The following TBXAS1 variants were observed in gnomAD, a reference collection of about 807,000 sequenced individuals.
TBXAS1 encodes thromboxane A synthase 1, also known as thromboxane-A synthase.
In TBXAS1, 48 loss-of-function variants were observed where a neutral mutation model predicts 60.7. The ratio of observed to expected loss-of-function variants is 0.79; its 90% CI spans 0.63 to 1.01. The LOEUF is 1.01. Ranked by LOEUF, TBXAS1 falls within the 50% of genes least tolerant of loss-of-function variation. The pLI, the probability that TBXAS1 is intolerant of heterozygous loss-of-function variation, is 0.00. For synonymous variants in TBXAS1, 287 were observed against 269.7 expected (o/e 1.06, Z -0.63); for missense variants, 685 against 686.3 (o/e 1.00, Z 0.02).
At chr7:139,782,203 A>C (rs1204230222) in intron 2 of TBXAS1, among the ~76,000 whole-genome samples, 3 of 135,840 alleles carry the variant, frequency 2.2e-5, no homozygotes, top group Non-Finnish European at 3.1e-5. Flanking sequence ...TAAAAAAATC[A>C]CTTTTTTTTT....
intron 3 of TBXAS1, among the ~76,000 whole-genome samples, chr7:139,906,669 A>G (rs931358067): frequency 6.6e-6 from 1 of 152,142 alleles, no homozygotes; most frequent in Non-Finnish European, 1.5e-5. Context: ...TCTTGCTGAG[A>G]CTTTGATTGG....
intron 5 of TBXAS1, among the ~76,000 whole-genome samples, chr7:139,938,165 CAT>C (rs756034626): frequency 6.6e-6 from 1 of 152,122 alleles, no homozygotes; most frequent in Admixed American, 6.5e-5. Context: ...CCGCGGCCCA[CAT>C]GTGCTCAATT....
At chr7:139,913,127 G>C (rs1440105890) in intron 4 of TBXAS1, 5 of 702,752 alleles carry the variant, frequency 7.1e-6, no homozygotes, top group African/African-American at 5.2e-5. Context: ...GGCCTGGAGG[G>C]AGGCGGCTGG....
intron 4 of TBXAS1, among the ~76,000 whole-genome samples, chr7:139,820,851 T>A (rs998703964): frequency 3.3e-5 from 5 of 152,036 alleles, no homozygotes; most frequent in Non-Finnish European, 7.4e-5. Flanking sequence ...GATTAATGAA[T>A]AAGAGGTCAA....
At chr7:139,828,218 TG>T (rs897233727), upstream of TBXAS1, among the ~76,000 whole-genome samples, 26 of 152,236 alleles carry the variant, frequency 1.7e-4, no homozygotes, top group African/African-American at 6.3e-4. Flanking sequence ...TGGGTTAATT[TG>T]AAGACCTTGT....
At chr7:139,811,831 C>G (rs1296910244) in intron 4 of TBXAS1, among the ~76,000 whole-genome samples, 1 of 152,188 alleles carries the variant, frequency 6.6e-6, no homozygotes, top group Admixed American at 6.5e-5. Flanking sequence ...ATGAGCAAAG[C>G]CTTAAGTTAG....
At chr7:139,865,620 A>G (rs1302421829) in intron 1 of TBXAS1, among the ~76,000 whole-genome samples, 141 of 24,326 alleles carry the variant, frequency 5.8e-3, no homozygotes, top group Middle Eastern at 0.023. Flanking sequence ...AGGAGGAGGA[A>G]GAGGAGGAGG....
chr7:139,782,369 G>A (rs1397127538), intron 2 of TBXAS1: 5 of 151,992 alleles, frequency 3.3e-5, no homozygotes, highest in Admixed American at 3.3e-4. Context: ...AATGGTGCAA[G>A]TCATATCTTT....
At chr7:139,997,328 A>G (rs1431568560) in intron 9 of TBXAS1, among the ~76,000 whole-genome samples, 1 of 152,208 alleles carries the variant, frequency 6.6e-6, no homozygotes, top group Admixed American at 6.5e-5. Context: ...ACTATCACTT[A>G]CTTAGGGGCT....
rs1255250563 is a variant in TBXAS1 at position 139,986,743 on chromosome 7, ACATATATATATATGTGTG to A, written c.1135-20347_1135-20330del. Reference sequence around the variant, plus strand: ...CCATCATATATATATATATATACATACATATATATATATGTGTGTGTGTGTGTGTGTGTGTGTGTGTGT... The same window carrying A: ...CCATCATATATATATATATATACATATGTGTGTGTGTGTGTGTGTGTGTGT... On this transcript the variant is annotated intron_variant, in intron 9 of 12. Transcript: ENST00000448866. Among the ~76,000 whole-genome samples, 46 of 32,980 alleles carry A rather than the reference ACATATATATATATGTGTG, an allele frequency of 1.4e-3. 1 individual carries two copies. The highest frequency in any genetic ancestry group is 6.2e-3 in the African/African-American group (45 of 7,272). 21.6% of individuals were successfully genotyped at this position (32,980 alleles called of 152,430 possible).
chr7:139,783,467 A>T (rs1797064925), intron 3 of TBXAS1, among the ~76,000 whole-genome samples: 1 of 152,216 alleles, frequency 6.6e-6, no homozygotes, highest in Non-Finnish European at 1.5e-5. Flanking sequence ...ATGGATTTGC[A>T]CATGAGAAGC....
intron 2 of TBXAS1, among the ~76,000 whole-genome samples, chr7:139,782,040 G>T (rs995251427): frequency 6.6e-6 from 1 of 151,586 alleles, no homozygotes; most frequent in Non-Finnish European, 1.5e-5. Flanking sequence ...ACCAGAGATT[G>T]CTCCAAGCAG....
chr7:139,966,903 C>T (rs1049016570), intron 9 of TBXAS1, among the ~76,000 whole-genome samples: 2 of 152,150 alleles, frequency 1.3e-5, no homozygotes, highest in Non-Finnish European at 2.9e-5. Flanking sequence ...CCTTTCTCCT[C>T]CAGGAGTGGG....
rs183958696 is a variant in TBXAS1 at position 139,857,535 on chromosome 7, G to A, written c.90-14700G>A. ...TTCATAAATATCAGTCACTTCAAGA[G>A]TTTTATGATGTACGTCAGTTGCTTT... On this transcript the variant is annotated intron_variant, in intron 1 of 12. Coordinates refer to ENST00000448866, the MANE Select transcript of TBXAS1 (RefSeq NM_001061.7). Among the ~76,000 whole-genome samples the A allele has an allele frequency of 2.2e-3, 329 of 152,254 alleles. 5 individuals are homozygous for A. Among genetic ancestry groups the A allele is most frequent in the Non-Finnish European group, 6.3e-4 (43 of 68,018 alleles).
intron 6 of TBXAS1, 75 bp from the exon 7 acceptor site, chr7:139,955,384 C>G (rs1569519003): frequency 1.9e-6 from 3 of 1,599,046 alleles, no homozygotes; most frequent in African/African-American, 1.3e-5. Context: ...TTCAGGCCCT[C>G]CTCCTCTGGA....
At chr7:139,836,076 AAATAAAT>A (rs1799040807) in intron 1 of TBXAS1, among the ~76,000 whole-genome samples, 1 of 148,892 alleles carries the variant, frequency 6.7e-6, no homozygotes, top group African/African-American at 2.5e-5. Flanking sequence ...ATAAATAAAT[AAATAAAT>A]AAAATACTTA....
At chr7:139,946,945 A>G (rs1440402727) in intron 5 of TBXAS1, among the ~76,000 whole-genome samples, 1 of 152,152 alleles carries the variant, frequency 6.6e-6, no homozygotes, top group Non-Finnish European at 1.5e-5. Flanking sequence ...GGAATCTTAC[A>G]CTCAAGGAAG....
intron 4 of TBXAS1, chr7:139,913,225 A>C (rs1490369933): frequency 1.5e-6 from 1 of 684,976 alleles, no homozygotes; most frequent in Non-Finnish European, 2.7e-6. Context: ...TTTCCCAAAC[A>C]CTGCATTGCT....
chr7:139,819,373 A>G (rs1003662088), intron 4 of TBXAS1, among the ~76,000 whole-genome samples: 4 of 152,214 alleles, frequency 2.6e-5, no homozygotes, highest in African/African-American at 9.6e-5. Flanking sequence ...AAGGCTGCCT[A>G]CTGAACACAC....
Sources: gnomAD v4.1 joint callset for allele counts (sites outside exome capture counted in the v4.1 genomes callset) on GRCh38, gnomAD v4.1.1 for gene constraint, MANE v1.5 for transcripts, NCBI Gene and HGNC (gene_info 2026-07-23, HGNC 2026-07-21) for gene names.